POC1A: variants seen among roughly 807,000 people sequenced by gnomAD.
POC1A encodes the protein POC1 centriolar protein A.
A neutral mutation model predicts 47.8 loss-of-function variants in POC1A; 34 were observed. The observed-to-expected ratio is 0.71, with a 90% confidence interval of 0.54 to 0.95. POC1A has a LOEUF of 0.95. POC1A is among the 40% of genes least tolerant of loss of function. The pLI is 0.00. For missense variants in POC1A, 466 were observed against 528.3 expected (o/e 0.88, Z 1.16); for synonymous variants, 177 against 207.6 (o/e 0.85, Z 1.27).
Position 52,154,403 on chromosome 3 carries a change from G to A in POC1A, c.-31C>T, listed in dbSNP as rs1307595749. 3 of 1,446,182 alleles carry A rather than the reference G, an allele frequency of 2.1e-6. No homozygotes were observed. Among genetic ancestry groups the A allele is most frequent in the Non-Finnish European group, 2.7e-6 (3 of 1,106,004 alleles). 89.6% of individuals were successfully genotyped at this position (1,446,182 alleles called of 1,614,324 possible). A position where few individuals can be genotyped will look rare whatever the true frequency, so the allele number is the denominator to read the frequency against. ...GGCTGGCGGCGCCGAAGGCAGCTGC[G>A]GTGGCCGTTGCGGCCCGTTCAGTTT... is the stretch of plus-strand genomic sequence containing the variant. On this transcript the variant is annotated 5_prime_UTR_variant, in exon 1 of 11. Transcript: ENST00000296484.
Position 52,125,054 on chromosome 3 carries a change from G to A in POC1A, c.882+59C>T, listed in dbSNP as rs918941466. ...TCCCCCAAACACCCTGTTTGGTTCT[G>A]AGCAGAAATCAGCTCAGATTCCCTT... On this transcript the variant is annotated intron_variant, in intron 8 of 10. Transcript: ENST00000296484. 3.0e-6 allele frequency: 4 copies of A among 1,353,862 alleles called. No individual in the cohort carries two copies. The African/African-American group carries it at 4.3e-5, about 15-fold the overall frequency. The allele number at this position is 1,353,862 out of a possible 1,614,324, so 83.9% of individuals were successfully genotyped here.
At chr3:52,137,096 C>G (rs566098474) in intron 7 of POC1A, among the ~76,000 whole-genome samples, 1 of 152,284 alleles carries the variant, frequency 6.6e-6, no homozygotes, top group South Asian at 2.1e-4. Flanking sequence ...CAGCCACCCC[C>G]TCTGGATGTG....
intron 1 of POC1A, among the ~76,000 whole-genome samples, chr3:52,153,364 T>C (rs1242589892): frequency 6.6e-6 from 1 of 152,210 alleles, no homozygotes; most frequent in African/African-American, 2.4e-5. Context: ...TGGGAAAGGA[T>C]GTCCTTGGGG....
At chr3:52,119,400 T>C (rs1018560247) in intron 9 of POC1A, among the ~76,000 whole-genome samples, 4 of 151,930 alleles carry the variant, frequency 2.6e-5, no homozygotes, top group African/African-American at 9.7e-5. Context: ...AGACTTTTTT[T>C]TTTTTTTTCC....
At chr3:52,104,567 C>T (rs1044792534) in intron 9 of POC1A, among the ~76,000 whole-genome samples, 14 of 152,206 alleles carry the variant, frequency 9.2e-5, no homozygotes, top group African/African-American at 3.4e-4. Context: ...CAGTTGACAC[C>T]GTCCATCACT....
At chr3:52,112,206 T>C (rs1244511127) in intron 9 of POC1A, among the ~76,000 whole-genome samples, 1 of 152,184 alleles carries the variant, frequency 6.6e-6, no homozygotes, top group Non-Finnish European at 1.5e-5. Context: ...CAGGCTGAAG[T>C]GCGGTGGTGC....
intron 9 of POC1A, among the ~76,000 whole-genome samples, chr3:52,113,366 T>G (rs1703448190): frequency 6.6e-6 from 1 of 152,204 alleles, no homozygotes; most frequent in African/African-American, 2.4e-5. Flanking sequence ...CACCAGCCAC[T>G]GGCCAAAGGT....
intron 10 of POC1A, among the ~76,000 whole-genome samples, chr3:52,095,861 G>A (rs912222102): frequency 2.6e-5 from 4 of 152,220 alleles, no homozygotes; most frequent in African/African-American, 9.7e-5. Context: ...ACCACCTCTT[G>A]TCAAGGGATT....
At chr3:52,087,795 C>T (rs1324562511) in intron 10 of POC1A, among the ~76,000 whole-genome samples, 1 of 152,228 alleles carries the variant, frequency 6.6e-6, no homozygotes, top group Admixed American at 6.5e-5. Context: ...GTTGCTCACA[C>T]CCAAAGGGAG....
intron 10 of POC1A, among the ~76,000 whole-genome samples, chr3:52,086,274 C>G (rs1702454320): frequency 6.6e-6 from 1 of 152,190 alleles, no homozygotes; most frequent in South Asian, 2.1e-4. Flanking sequence ...GGGCAAACGT[C>G]CTGGGGCTGG....
intron 10 of POC1A, 76 bp downstream of exon 10, chr3:52,096,493 G>T: frequency 8.0e-7 from 1 of 1,256,996 alleles, no homozygotes; most frequent in Non-Finnish European, 1.1e-6. Flanking sequence ...AGCACCTGTT[G>T]TCCAACTTCA....
intron 10 of POC1A, among the ~76,000 whole-genome samples, chr3:52,082,791 C>T (rs1702343403): frequency 6.6e-6 from 1 of 152,054 alleles, no homozygotes. Context: ...AAATACAAGT[C>T]CTCAGAGACA....
At position 52,125,180 on chromosome 3, in the gene POC1A, C is replaced by T; in HGVS notation, c.815G>A (p.Gly272Glu). 1 of 1,613,326 alleles carries T rather than the reference C, an allele frequency of 6.2e-7. No homozygotes were observed. Among genetic ancestry groups the T allele is most frequent in the Non-Finnish European group, 8.5e-7 (1 of 1,179,444 alleles). The change falls in exon 8 of 11, where the codon GGA becomes GAA. Residue 272 changes from glycine (G) to glutamate (E), a missense_variant and splice_region_variant. Coordinates refer to ENST00000296484, the MANE Select transcript of POC1A (RefSeq NM_015426.5). Reference protein sequence around the residue: ...RLLYTLHGHQGPATTVAFSRT... With the variant: ...RLLYTLHGHQEPATTVAFSRT... ...TGAAAAGGCAACAGTGGTGGCTGGT[C>T]CCTGGCAGAACAAACAAAAAATAAC...
Position 52,075,229 on chromosome 3 carries a change from A to G in POC1A, c.*658T>C, listed in dbSNP as rs955603751. The G allele has an allele frequency of 6.6e-6, 1 of 152,318 alleles. No individual in the cohort carries two copies. The highest frequency in any genetic ancestry group is 1.5e-5 in the Non-Finnish European group (1 of 68,088). The allele number at this position is 152,318 out of a possible 1,614,324, so 9.4% of individuals were successfully genotyped here. On this transcript the variant is annotated 3_prime_UTR_variant, in exon 11 of 11. Coordinates refer to ENST00000296484, the MANE Select transcript of POC1A (RefSeq NM_015426.5). ...TGGGAAGATTGATTAAGTGTCATCC[A>G]GCATAAGCCACTCCTGCAACAAGTG...
At chr3:52,145,226 A>G (rs1352062362) in intron 6 of POC1A, among the ~76,000 whole-genome samples, 1 of 152,100 alleles carries the variant, frequency 6.6e-6, no homozygotes, top group Non-Finnish European at 1.5e-5. Flanking sequence ...GGCATGTCTA[A>G]GTCTGCCCTC....
At position 52,125,083 on chromosome 3, in the gene POC1A, C is replaced by T. The variant is rs543655069; in HGVS notation, c.882+30G>A. ...AGAAATCAGCTCAGATTCCCTTCTT[C>T]ACCATTCCATTCGACTACTCTTTAC... On this transcript the variant is annotated intron_variant, in intron 8 of 10. Coordinates refer to ENST00000296484, the MANE Select transcript of POC1A (RefSeq NM_015426.5). 10 of 1,515,452 alleles carry T rather than the reference C, an allele frequency of 6.6e-6. No homozygotes were observed. The South Asian group carries it at 1.1e-4, about 17-fold the overall frequency. The allele number at this position is 1,515,452 out of a possible 1,614,324, so 93.9% of individuals were successfully genotyped here.
At position 52,147,066 on chromosome 3, in the gene POC1A, G is replaced by T; in HGVS notation, c.485C>A (p.Ser162Tyr). Residue 162 changes from serine to tyrosine, a missense_variant, in exon 5 of 11, where the codon TCT (serine) becomes TAT (tyrosine). Transcript: ENST00000296484. ...CTTAACAGTCTTGTCATCACTGGCA[G>T]ACACGATGAGCCGCCCGTCGGGGGA... ...KFSPDGRLIV[S>Y]ASDDKTVKLW... 6.2e-7 allele frequency: 1 copy of T among 1,614,152 alleles called. No homozygotes were observed. Among genetic ancestry groups the T allele is most frequent in the Non-Finnish European group, 8.5e-7 (1 of 1,180,014 alleles).
At chr3:52,121,167 A>C (rs1295560341) in intron 9 of POC1A, among the ~76,000 whole-genome samples, 1 of 152,212 alleles carries the variant, frequency 6.6e-6, no homozygotes, top group African/African-American at 2.4e-5. Flanking sequence ...TAGCGAGCAT[A>C]AAAGGCCTTG....
At chr3:52,099,842 C>T (rs879079957) in intron 9 of POC1A, among the ~76,000 whole-genome samples, 1 of 152,216 alleles carries the variant, frequency 6.6e-6, no homozygotes, top group African/African-American at 2.4e-5. Context: ...CAGAGCAAGA[C>T]TCCGTCTCAA....
Sources: gnomAD v4.1 joint callset for allele counts (sites outside exome capture counted in the v4.1 genomes callset) on GRCh38, gnomAD v4.1.1 for gene constraint, MANE v1.5 for transcripts, NCBI Gene and HGNC (gene_info 2026-07-23, HGNC 2026-07-21) for gene names.